Variants in NEGR1 observed in about 807,000 individuals in gnomAD.
The protein encoded by NEGR1 is IgLON family member 4.
Under a neutral mutation model 40.9 loss-of-function variants are expected in NEGR1, and 10 were observed. The ratio of observed to expected loss-of-function variants is 0.24; its 90% CI spans 0.15 to 0.42. The LOEUF is 0.42. Ranked by LOEUF, NEGR1 falls within the 10% of genes least tolerant of loss-of-function variation. NEGR1 has a pLI of 1.00. For missense variants in NEGR1, 352 were observed against 438.9 expected, an observed-to-expected ratio of 0.80 and a Z score of 1.77; for synonymous variants, 185 against 166.8, an observed-to-expected ratio of 1.11 and a Z score of -0.84.
chr1:71,695,423 C>G (rs966830426), intron 4 of NEGR1, among the ~76,000 whole-genome samples: 1 of 151,690 alleles, frequency 6.6e-6, no homozygotes, highest in Non-Finnish European at 1.5e-5. Flanking sequence ...AATATGTCGA[C>G]TTATAACTGT....
chr1:71,430,144 T>C (rs934421588), intron 6 of NEGR1, among the ~76,000 whole-genome samples: 17 of 152,170 alleles, frequency 1.1e-4, no homozygotes, highest in African/African-American at 2.7e-4. Flanking sequence ...CTTAGAACAA[T>C]TGGGCAACTC....
At chr1:71,902,031 A>G (rs1661158648) in intron 2 of NEGR1, among the ~76,000 whole-genome samples, 1 of 152,224 alleles carries the variant, frequency 6.6e-6, no homozygotes, top group Non-Finnish European at 1.5e-5. Context: ...AATAAAGCAT[A>G]ATGATAATAG....
chr1:71,571,864 T>C lies in NEGR1; in HGVS notation c.940+20953A>G, dbSNP rs138835416. Among the ~76,000 whole-genome samples, 134 of 151,184 alleles carry C rather than the reference T, an allele frequency of 8.9e-4. 2 individuals carry two copies. Among genetic ancestry groups the C allele is most frequent in the Admixed American group, 6.5e-3 (99 of 15,176 alleles). ...CAGTTACTTCACAGTTTTTGGAGTA[T>C]ACATTTTTTCAAAAGTTGAAGAGGT... On this transcript the variant is annotated intron_variant, in intron 6 of 6. Coordinates refer to ENST00000357731, the MANE Select transcript of NEGR1 (RefSeq NM_173808.3).
At chr1:71,571,287 A>G (rs1418517024) in intron 6 of NEGR1, among the ~76,000 whole-genome samples, 1 of 152,214 alleles carries the variant, frequency 6.6e-6, no homozygotes, top group African/African-American at 2.4e-5. Context: ...CAGGAAAGGC[A>G]CCATCACATT....
intron 4 of NEGR1, among the ~76,000 whole-genome samples, chr1:71,660,188 A>G (rs1180557656): frequency 6.6e-6 from 1 of 152,216 alleles, no homozygotes; most frequent in Non-Finnish European, 1.5e-5. Context: ...ACATGGATGA[A>G]GCTGGAGGCT....
intron 1 of NEGR1, among the ~76,000 whole-genome samples, chr1:72,009,534 A>G (rs181750797): frequency 1.3e-5 from 2 of 152,246 alleles, no homozygotes; most frequent in East Asian, 3.9e-4. Context: ...ATAAAAAAAA[A>G]TACTCTTTGG....
intron 1 of NEGR1, among the ~76,000 whole-genome samples, chr1:72,017,187 A>G (rs2100413689): frequency 6.6e-6 from 1 of 151,906 alleles, no homozygotes; most frequent in East Asian, 1.9e-4. Flanking sequence ...GGAATATATA[A>G]CATGAGTAGA....
intron 1 of NEGR1, among the ~76,000 whole-genome samples, chr1:72,099,071 T>C (rs1348657255): frequency 6.6e-6 from 1 of 151,906 alleles, no homozygotes; most frequent in African/African-American, 2.4e-5. Flanking sequence ...ATAATCAAAT[T>C]TTATTAACAT....
intron 5 of NEGR1, among the ~76,000 whole-genome samples, chr1:71,609,378 G>T (rs991446835): frequency 6.6e-6 from 1 of 150,924 alleles, no homozygotes; most frequent in Non-Finnish European, 1.5e-5. Flanking sequence ...AGCCGGGCGT[G>T]GTGGCGGGCA....
chr1:71,947,942 T>C (rs1219866773), intron 1 of NEGR1, among the ~76,000 whole-genome samples: 2 of 152,180 alleles, frequency 1.3e-5, no homozygotes, highest in African/African-American at 4.8e-5. Flanking sequence ...GTAGTATTTC[T>C]CCACTTCTAA....
intron 6 of NEGR1, among the ~76,000 whole-genome samples, chr1:71,558,276 C>T (rs1648317125): frequency 6.6e-6 from 1 of 151,434 alleles, no homozygotes; most frequent in African/African-American, 2.4e-5. Flanking sequence ...TATCAAAGAA[C>T]CTGTGAACAT....
chr1:72,138,699 G>T (rs554378140), intron 1 of NEGR1, among the ~76,000 whole-genome samples: 1 of 152,006 alleles, frequency 6.6e-6, no homozygotes, highest in South Asian at 2.1e-4. Context: ...TTTCACTTAG[G>T]AACAAATGTT....
chr1:71,731,467 A>G (rs1429335905), intron 3 of NEGR1, among the ~76,000 whole-genome samples: 1 of 152,236 alleles, frequency 6.6e-6, no homozygotes, highest in African/African-American at 2.4e-5. Context: ...TTAAAAAGGC[A>G]GAGCCAATGT....
At chr1:72,248,798 G>A (rs1288932029) in intron 1 of NEGR1, among the ~76,000 whole-genome samples, 1 of 151,558 alleles carries the variant, frequency 6.6e-6, no homozygotes, top group African/African-American at 2.4e-5. Context: ...GGCCAGGCTG[G>A]TCTTGAACTT....
chr1:72,156,386 T>C (rs947198452), intron 1 of NEGR1, among the ~76,000 whole-genome samples: 1 of 152,116 alleles, frequency 6.6e-6, no homozygotes, highest in Non-Finnish European at 1.5e-5. Context: ...AAAATATGTC[T>C]TGAACAAGAA....
At chr1:71,838,018 G>A (rs541618054) in intron 2 of NEGR1, among the ~76,000 whole-genome samples, 4 of 152,026 alleles carry the variant, frequency 2.6e-5, no homozygotes, top group South Asian at 2.1e-4. Context: ...TATAATCCCT[G>A]ATAACATCCC....
chr1:71,803,459 G>T (rs2101750982), intron 2 of NEGR1, among the ~76,000 whole-genome samples: 1 of 152,150 alleles, frequency 6.6e-6, no homozygotes, highest in South Asian at 2.1e-4. Context: ...CTGTCCAATG[G>T]CTAACAGTGA....
chr1:72,016,059 G>A (rs1646707069), intron 1 of NEGR1, among the ~76,000 whole-genome samples: 1 of 152,086 alleles, frequency 6.6e-6, no homozygotes, highest in African/African-American at 2.4e-5. Context: ...CTGAGATCAT[G>A]TCAGTCTCAC....
chr1:71,447,780 G>A (rs1646593082), intron 6 of NEGR1, among the ~76,000 whole-genome samples: 2 of 152,180 alleles, frequency 1.3e-5, no homozygotes, highest in African/African-American at 2.4e-5. Flanking sequence ...ACAATGACTA[G>A]AATGAGCTTA....
Sources: allele counts gnomAD v4.1 joint callset (sites outside exome capture counted in the v4.1 genomes callset), GRCh38; gene constraint gnomAD v4.1.1; transcripts MANE v1.5; gene names NCBI Gene and HGNC (gene_info 2026-07-23, HGNC 2026-07-21).